The following SOCS6 variants were observed in gnomAD, a reference collection of about 807,000 sequenced individuals.
The protein encoded by SOCS6 is suppressor of cytokine signaling 6.
SOCS6 carries 5 observed loss-of-function variants against 27.7 expected under a neutral mutation model. The ratio of observed to expected loss-of-function variants is 0.18; its 90% CI spans 0.09 to 0.38. SOCS6 has a LOEUF of 0.38. Ranked by LOEUF, SOCS6 falls within the 10% of genes least tolerant of loss-of-function variation. The pLI is 1.00. For synonymous variants in SOCS6, 271 were observed against 260.0 expected (o/e 1.04, Z -0.41); for missense variants, 595 against 688.1 (o/e 0.86, Z 1.51).
chr18:70,316,608 A>T (rs977867119), intron 1 of SOCS6, among the ~76,000 whole-genome samples: 4 of 151,842 alleles, frequency 2.6e-5, no homozygotes, highest in African/African-American at 9.7e-5. Context: ...TTGTTTGACC[A>T]GTTTATCTTG....
intron 1 of SOCS6, among the ~76,000 whole-genome samples, chr18:70,301,156 C>T (rs1290019044): frequency 6.6e-6 from 1 of 152,142 alleles, no homozygotes; most frequent in African/African-American, 2.4e-5. Flanking sequence ...AGACATAAGA[C>T]TCTTGGGTTA....
chr18:70,290,756 A>G (rs968266429), intron 1 of SOCS6, among the ~76,000 whole-genome samples: 12 of 152,164 alleles, frequency 7.9e-5, no homozygotes, highest in Admixed American at 4.6e-4. Context: ...ACCCGAATCT[A>G]TACTTTTTTA....
intron 1 of SOCS6, among the ~76,000 whole-genome samples, chr18:70,309,934 C>T (rs1301001825): frequency 6.6e-6 from 1 of 152,236 alleles, no homozygotes; most frequent in African/African-American, 2.4e-5. Context: ...GATCCTCCTG[C>T]CTCAGCCTCC....
intron 1 of SOCS6, among the ~76,000 whole-genome samples, chr18:70,295,338 T>G (rs1174598053): frequency 1.3e-5 from 2 of 152,194 alleles, no homozygotes; most frequent in Admixed American, 6.5e-5. Flanking sequence ...GCACTTACAG[T>G]GATTTTTGTG....
At position 70,327,480 on chromosome 18, in the gene SOCS6, T is replaced by C. The variant is rs1911253262; in HGVS notation, c.*1204T>C. The C allele has an allele frequency of 6.0e-6, 1 of 166,544 alleles. No homozygotes were observed. Among genetic ancestry groups the C allele is most frequent in the African/African-American group, 2.4e-5 (1 of 41,428 alleles). The allele number at this position is 166,544 out of a possible 1,614,324, so 10.3% of individuals were successfully genotyped here. A position where few individuals can be genotyped will look rare whatever the true frequency, so the allele number is the denominator to read the frequency against. ...ACAATGTGAGAAAAATTCTAAACCA[T>C]ATTAGATAATGTGGAAGTCATATTG... On this transcript the variant is annotated 3_prime_UTR_variant, in exon 2 of 2. Coordinates refer to ENST00000397942, the MANE Select transcript of SOCS6 (RefSeq NM_004232.4).
At position 70,329,274 on chromosome 18, in the gene SOCS6, T is replaced by C. The variant is rs1005005829; in HGVS notation, c.*2998T>C. The C allele has an allele frequency of 6.0e-6, 1 of 167,084 alleles. No homozygotes were observed. Among genetic ancestry groups the C allele is most frequent in the African/African-American group, 2.4e-5 (1 of 41,464 alleles). The allele number at this position is 167,084 out of a possible 1,614,324, so 10.4% of individuals were successfully genotyped here. On this transcript the variant is annotated 3_prime_UTR_variant, in exon 2 of 2. Coordinates refer to ENST00000397942, the MANE Select transcript of SOCS6 (RefSeq NM_004232.4). ...AATGATCATAGACCTAAAAATAGTT[T>C]TTAAGGAAACCAGCTACACGGGGCA...
chr18:70,294,379 C>T (rs981564827), intron 1 of SOCS6, among the ~76,000 whole-genome samples: 2 of 151,702 alleles, frequency 1.3e-5, no homozygotes, highest in Non-Finnish European at 2.9e-5. Flanking sequence ...AGGGGAGTTC[C>T]CTCAATTTTT....
intron 1 of SOCS6, among the ~76,000 whole-genome samples, chr18:70,298,121 A>G (rs2146263918): frequency 6.6e-6 from 1 of 152,122 alleles, no homozygotes; most frequent in Admixed American, 6.6e-5. Flanking sequence ...TTAGTAGTTC[A>G]TTACATTTAA....
rs1056176511 is a variant in SOCS6, at chr18:70,329,313, C to G, written c.*3037C>G. On this transcript the variant is annotated 3_prime_UTR_variant, in exon 2 of 2. Coordinates refer to ENST00000397942, the MANE Select transcript of SOCS6 (RefSeq NM_004232.4). ...CTACACGGGGCAACCAACCATCTTG[C>G]TGTTGAAGAAAACAGTTCCAAAAGG... is the stretch of plus-strand genomic sequence containing the variant. 6.0e-6 allele frequency: 1 copy of G among 167,050 alleles called. No individual in the cohort carries two copies. Among genetic ancestry groups the G allele is most frequent in the African/African-American group, 2.4e-5 (1 of 41,442 alleles). The allele number at this position is 167,050 out of a possible 1,614,324, so 10.3% of individuals were successfully genotyped here.
rs186884274 is a variant in SOCS6, at chr18:70,329,174, C to T, written c.*2898C>T. ...AAGTACTTGAAAAATATCTAATTCT[C>T]TTTCTGTCTAAGGAAAACTCTTTCT... is the stretch of plus-strand genomic sequence containing the variant. On this transcript the variant is annotated 3_prime_UTR_variant, in exon 2 of 2. Transcript: ENST00000397942. 1,023 of 167,146 alleles carry T rather than the reference C, an allele frequency of 6.1e-3. 7 individuals carry two copies. The highest frequency in any genetic ancestry group is 0.047 in the South Asian group (225 of 4,820). 10.4% of individuals were successfully genotyped at this position (167,146 alleles called of 1,614,324 possible).
chr18:70,298,308 CAATT>C (rs1201172439), intron 1 of SOCS6, among the ~76,000 whole-genome samples: 1 of 152,026 alleles, frequency 6.6e-6, no homozygotes, highest in African/African-American at 2.4e-5. Context: ...TTTTCATAGA[CAATT>C]AATGTGGTGA....
intron 1 of SOCS6, among the ~76,000 whole-genome samples, chr18:70,315,973 C>T (rs11151580): frequency 0.28 from 42,769 of 151,804 alleles, 7,142 homozygotes; most frequent in East Asian, 0.73. Context: ...TGGGTTTAAG[C>T]GATTCTCTTG....
At chr18:70,322,608 G>A (rs1047779508) in intron 1 of SOCS6, among the ~76,000 whole-genome samples, 1 of 152,096 alleles carries the variant, frequency 6.6e-6, no homozygotes, top group African/African-American at 2.4e-5. Context: ...CATTATGCTT[G>A]GGTAGAAGAC....
chr18:70,309,554 A>G (rs1242391949), intron 1 of SOCS6, among the ~76,000 whole-genome samples: 4 of 151,928 alleles, frequency 2.6e-5, no homozygotes, highest in Admixed American at 2.0e-4. Context: ...TTTATTTGTG[A>G]TTGCTCCACA....
rs1325009737 is a variant in SOCS6 at position 70,327,292 on chromosome 18, TTTGAA to T, written c.*1018_*1022del. 1.2e-5 allele frequency: 2 copies of T among 166,814 alleles called. No individual in the cohort carries two copies. Among genetic ancestry groups the T allele is most frequent in the African/African-American group, 4.8e-5 (2 of 41,450 alleles). The allele number at this position is 166,814 out of a possible 1,614,324, so 10.3% of individuals were successfully genotyped here. A position where few individuals can be genotyped will look rare whatever the true frequency, so the allele number is the denominator to read the frequency against. ...ATGTTTATAAAAAGTTTTAAATTGATTTGAATAGAAAGAAAACATTGTTTTAAAGT... is the reference window on the plus strand; with the variant it reads ...ATGTTTATAAAAAGTTTTAAATTGATTAGAAAGAAAACATTGTTTTAAAGT... On this transcript the variant is annotated 3_prime_UTR_variant, in exon 2 of 2. Coordinates refer to ENST00000397942, the MANE Select transcript of SOCS6 (RefSeq NM_004232.4).
intron 1 of SOCS6, among the ~76,000 whole-genome samples, chr18:70,308,130 G>C (rs2062376673): frequency 6.6e-6 from 1 of 152,140 alleles, no homozygotes; most frequent in Non-Finnish European, 1.5e-5. Flanking sequence ...TGTTTTTCCA[G>C]ATTTATTTCT....
chr18:70,300,019 G>T (rs150590458), intron 1 of SOCS6, among the ~76,000 whole-genome samples: 53 of 152,246 alleles, frequency 3.5e-4, no homozygotes, highest in African/African-American at 1.2e-3. Flanking sequence ...GACCGTATAC[G>T]TATAAAGACA....
rs930222400 is a variant in SOCS6 at position 70,327,467 on chromosome 18, A to G, written c.*1191A>G. The G allele has an allele frequency of 2.4e-5, 4 of 166,642 alleles. No homozygotes were observed. The highest frequency in any genetic ancestry group is 7.2e-5 in the African/African-American group (3 of 41,434). The allele number at this position is 166,642 out of a possible 1,614,324, so 10.3% of individuals were successfully genotyped here. On this transcript the variant is annotated 3_prime_UTR_variant, in exon 2 of 2. Transcript: ENST00000397942. Reference sequence around the variant, plus strand: ...AGCAATTTTTCTCACAATGTGAGAAAAATTCTAAACCATATTAGATAATGT... The same window carrying G: ...AGCAATTTTTCTCACAATGTGAGAAGAATTCTAAACCATATTAGATAATGT...
At chr18:70,298,982 A>G (rs2062336513) in intron 1 of SOCS6, among the ~76,000 whole-genome samples, 1 of 152,084 alleles carries the variant, frequency 6.6e-6, no homozygotes, top group Non-Finnish European at 1.5e-5. Flanking sequence ...AAAATTAGCC[A>G]GGCACGGTGG....
Sources: gnomAD v4.1 joint callset for allele counts (sites outside exome capture counted in the v4.1 genomes callset) on GRCh38, gnomAD v4.1.1 for gene constraint, MANE v1.5 for transcripts, NCBI Gene and HGNC (gene_info 2026-07-23, HGNC 2026-07-21) for gene names.